MAOB: variants seen among roughly 807,000 people sequenced by gnomAD.
The protein encoded by MAOB is monoamine oxidase B.
Under a neutral mutation model 41.9 loss-of-function variants are expected in MAOB, and 15 were observed. That is an observed-to-expected ratio of 0.36 (90% CI 0.24 to 0.55). The LOEUF (loss-of-function observed/expected upper bound fraction) is 0.55, where lower values mean the gene tolerates loss of function less well. Among genes scored for constraint, MAOB ranks in the 20% least tolerant of loss-of-function variants. MAOB has a pLI of 0.86. For synonymous variants in MAOB, 167 were observed against 144.2 expected (o/e 1.16, Z -1.13); for missense variants, 345 against 398.7 (o/e 0.87, Z 1.15).
chrX:43,857,729 G>A (rs2035307957), intron 1 of MAOB, among the ~76,000 whole-genome samples: 2 of 111,138 alleles, frequency 1.8e-5, no homozygotes, highest in African/African-American at 3.3e-5. Context: ...GACTTGTCTC[G>A]GAGTCAGAGA....
chrX:43,787,493 GTGTACACCTAGAT>G (rs2034415053), intron 8 of MAOB, among the ~76,000 whole-genome samples: 1 of 112,108 alleles, frequency 8.9e-6, no homozygotes, highest in South Asian at 3.7e-4. Context: ...CAAAGTGGGG[GTGTACACCTAGAT>G]TGCACATCTA....
At chrX:43,771,360 T>C (rs1601961223) in intron 12 of MAOB, among the ~76,000 whole-genome samples, 2 of 112,238 alleles carry the variant, frequency 1.8e-5, no homozygotes, top group East Asian at 5.6e-4. Context: ...ATAAGTGTTC[T>C]GAGCACGTTT....
chrX:43,785,797 G>A (rs1171352465), intron 8 of MAOB, among the ~76,000 whole-genome samples: 1 of 111,739 alleles, frequency 8.9e-6, no homozygotes, highest in Admixed American at 9.5e-5. Context: ...GGTTGACTGA[G>A]CAGTCAGAAT....
chrX:43,862,768 G>A (rs899215860), intron 1 of MAOB, among the ~76,000 whole-genome samples: 1 of 111,336 alleles, frequency 9.0e-6, no homozygotes, highest in Admixed American at 9.6e-5. Context: ...TTTCTTTTAT[G>A]AGTTACCTAC....
intron 3 of MAOB, among the ~76,000 whole-genome samples, chrX:43,813,510 C>A (rs1363080050): frequency 8.9e-6 from 1 of 112,396 alleles, no homozygotes; most frequent in Non-Finnish European, 1.9e-5. Flanking sequence ...CAGGTCTCTG[C>A]TCTATGAGCC....
intron 1 of MAOB, among the ~76,000 whole-genome samples, chrX:43,872,326 T>C (rs1005034067): frequency 1.8e-5 from 2 of 111,987 alleles, no homozygotes. Flanking sequence ...ACAACTTCAT[T>C]AAATTACGAC....
chrX:43,840,572 G>T (rs1051807984), intron 2 of MAOB, among the ~76,000 whole-genome samples: 1 of 111,417 alleles, frequency 9.0e-6, no homozygotes, highest in East Asian at 2.8e-4. Flanking sequence ...TGATTTCTGC[G>T]TTTCCAACTG....
chrX:43,775,222 G>A lies in MAOB; in HGVS notation c.1188C>T (p.Gly396=), dbSNP rs2034239847. The change falls in exon 12 of 15, where the codon GGC becomes GGT. Residue 396 remains glycine, a synonymous_variant. Coordinates refer to ENST00000378069, the MANE Select transcript of MAOB (RefSeq NM_000898.5). ...KNWCEEQYSG[G]CYTTYFPPGI... Reference sequence around the variant, plus strand: ...CAGGGGGGAAATAAGTTGTGTAGCAGCCCCCAGAGTACTGCTCCTCACACC... The same window carrying A: ...CAGGGGGGAAATAAGTTGTGTAGCAACCCCCAGAGTACTGCTCCTCACACC... 8.3e-7 allele frequency: 1 copy of A among 1,205,754 alleles called. No homozygotes were observed. Among genetic ancestry groups the A allele is most frequent in the Non-Finnish European group, 1.1e-6 (1 of 893,307 alleles).
intron 7 of MAOB, among the ~76,000 whole-genome samples, chrX:43,794,839 A>C (rs1210999765): frequency 9.1e-6 from 1 of 109,468 alleles, no homozygotes; most frequent in African/African-American, 3.3e-5. Context: ...CCACTTGTTT[A>C]AGTGTCTTGG....
chrX:43,775,111 C>T lies in MAOB; in HGVS notation c.1235+64G>A, dbSNP rs1484761567. 5.9e-6 allele frequency: 6 copies of T among 1,011,150 alleles called. No homozygotes were observed. In the African/African-American group the frequency reaches 1.1e-4, roughly 18 times the overall value. The allele number at this position is 1,011,150 out of a possible 1,213,427, so 83.3% of individuals were successfully genotyped here. On this transcript the variant is annotated intron_variant, in intron 12 of 14. Coordinates refer to ENST00000378069, the MANE Select transcript of MAOB (RefSeq NM_000898.5). Reference sequence around the variant, plus strand: ...AACAAGGGAGAAGAGCTACCTGAACCTATTTAGGTTTTGGATTCAGGTGCA... The same window carrying T: ...AACAAGGGAGAAGAGCTACCTGAACTTATTTAGGTTTTGGATTCAGGTGCA...
In MAOB at chrX:43,808,180, C is replaced by A. The variant is rs761164742; in HGVS notation, c.280-4776G>T. On this transcript the variant is annotated intron_variant, in intron 3 of 14. Transcript: ENST00000378069. ...CACTATCAGTGTGGCATTGTGCCCA[C>A]GAGTAAAGGGAATCACAAAGAGATA... 5.4e-5 allele frequency among the ~76,000 whole-genome samples: 6 copies of A among 111,454 alleles called. No individual in the cohort carries two copies. The East Asian group carries it at 8.4e-4, about 16-fold the overall frequency.
intron 1 of MAOB, among the ~76,000 whole-genome samples, chrX:43,874,413 T>A (rs2035427599): frequency 9.0e-6 from 1 of 111,498 alleles, no homozygotes; most frequent in South Asian, 3.8e-4. Flanking sequence ...TACATTATAA[T>A]CAGCTGATCA....
chrX:43,879,839 A>C (rs982788047), intron 1 of MAOB, among the ~76,000 whole-genome samples: 4 of 112,001 alleles, frequency 3.6e-5, no homozygotes, highest in Non-Finnish European at 7.5e-5. Flanking sequence ...TCCGCAATGA[A>C]GTTCTTAAGT....
At chrX:43,779,284 T>C (rs1462409804) in intron 10 of MAOB, among the ~76,000 whole-genome samples, 1 of 112,107 alleles carries the variant, frequency 8.9e-6, no homozygotes, top group Non-Finnish European at 1.9e-5. Context: ...TTCAATAAAA[T>C]GGCACTGGGA....
chrX:43,800,422 A>G (rs971581403), intron 5 of MAOB, among the ~76,000 whole-genome samples: 1 of 111,857 alleles, frequency 8.9e-6, no homozygotes, highest in African/African-American at 3.2e-5. Context: ...TATTACTATT[A>G]AAATAAATTA....
intron 1 of MAOB, among the ~76,000 whole-genome samples, chrX:43,871,720 G>A (rs2035408939): frequency 9.2e-6 from 1 of 109,022 alleles, no homozygotes; most frequent in South Asian, 4.1e-4. Flanking sequence ...TTTTCTCCCT[G>A]CAGAAACAAT....
chrX:43,774,922 T>C (rs772499453), intron 12 of MAOB, among the ~76,000 whole-genome samples: 11 of 111,677 alleles, frequency 9.8e-5, no homozygotes, highest in Non-Finnish European at 1.9e-4. Context: ...ATTCTTATGC[T>C]GAAACCTTCT....
intron 3 of MAOB, among the ~76,000 whole-genome samples, chrX:43,804,018 C>T (rs1287275416): frequency 2.7e-5 from 3 of 111,022 alleles, no homozygotes; most frequent in South Asian, 3.8e-4. Context: ...AGGGATACCT[C>T]GACACAGAAA....
chrX:43,811,204 T>A (rs1293806791), intron 3 of MAOB, among the ~76,000 whole-genome samples: 1 of 111,496 alleles, frequency 9.0e-6, no homozygotes, highest in Non-Finnish European at 1.9e-5. Flanking sequence ...ATGTTCTACA[T>A]GTCCTTCTCC....
Sources: allele counts gnomAD v4.1 joint callset (sites outside exome capture counted in the v4.1 genomes callset), GRCh38; gene constraint gnomAD v4.1.1; transcripts MANE v1.5; gene names NCBI Gene and HGNC (gene_info 2026-07-23, HGNC 2026-07-21).